The following MYO18B variants were observed in gnomAD, a reference collection of about 807,000 sequenced individuals.
The protein encoded by MYO18B is unconventional myosin-XVIIIb.
MYO18B carries 204 observed loss-of-function variants against 273.0 expected under a neutral mutation model. The ratio of observed to expected loss-of-function variants is 0.75; its 90% CI spans 0.67 to 0.84. MYO18B has a LOEUF of 0.84. Among genes scored for constraint, MYO18B ranks in the 40% least tolerant of loss-of-function variants. The pLI, the probability that MYO18B is intolerant of heterozygous loss-of-function variation, is 0.00. For missense variants in MYO18B, 3,212 were observed against 3,287.6 expected (o/e 0.98, Z 0.56); for synonymous variants, 1,330 against 1,305.7 (o/e 1.02, Z -0.40).
rs771051217 is a variant in MYO18B at position 25,911,004 on chromosome 22, A to G, written c.5318A>G (p.His1773Arg). ...QEYEEKQMVL[H>R]EKQDLEGLIG... ...TATGAAGAGAAGCAGATGGTCCTCC[A>G]TGAGAAGCAAGATTTGGAAGGCTTG... The change falls in exon 33 of 44, where the codon CAT becomes CGT. Residue 1773 changes from histidine (H) to arginine (R), a missense_variant. Transcript: ENST00000335473. 1.2e-6 allele frequency: 2 copies of G among 1,606,348 alleles called. No homozygotes were observed. Among genetic ancestry groups the G allele is most frequent in the Non-Finnish European group, 8.5e-7 (1 of 1,176,656 alleles).
At chr22:26,043,229 CAGT>C in the MYO18B span, among the ~76,000 whole-genome samples, 1 of 151,930 alleles carries the variant, frequency 6.6e-6, no homozygotes, top group Admixed American at 6.5e-5. Context: ...TTAGATGAGT[CAGT>C]AGTTTGTTTT....
intron 32 of MYO18B, among the ~76,000 whole-genome samples, chr22:25,910,422 T>G (rs992992537): frequency 4.6e-5 from 7 of 151,982 alleles, no homozygotes; most frequent in Non-Finnish European, 1.0e-4. Context: ...CCTAATTACT[T>G]CCCTAAGGCC....
intron 21 of MYO18B, among the ~76,000 whole-genome samples, chr22:25,852,041 G>A (rs2090442100): frequency 6.6e-6 from 1 of 152,202 alleles, no homozygotes; most frequent in African/African-American, 2.4e-5. Flanking sequence ...AAGGTGAAAG[G>A]TCATCATTTG....
At chr22:25,914,059 C>T (rs2092212739) in intron 33 of MYO18B, among the ~76,000 whole-genome samples, 1 of 152,100 alleles carries the variant, frequency 6.6e-6, no homozygotes, top group Admixed American at 6.5e-5. Flanking sequence ...TATGGATAAA[C>T]TATGTTTTAG....
intron 14 of MYO18B, among the ~76,000 whole-genome samples, chr22:25,828,189 G>A (rs950641417): frequency 2.1e-4 from 32 of 152,016 alleles, no homozygotes; most frequent in African/African-American, 7.0e-4. Flanking sequence ...TAACTGAGAC[G>A]GTGGCTAAGA....
At chr22:25,780,360 G>A (rs2145655052) in intron 9 of MYO18B, among the ~76,000 whole-genome samples, 162 bp downstream of exon 9, 1 of 152,148 alleles carries the variant, frequency 6.6e-6, no homozygotes, top group Admixed American at 6.5e-5. Flanking sequence ...GGAGGCTGAG[G>A]TGGGTGGATC....
chr22:25,968,959 AT>A (rs2093007419), intron 39 of MYO18B, among the ~76,000 whole-genome samples: 1 of 152,208 alleles, frequency 6.6e-6, no homozygotes, highest in African/African-American at 2.4e-5. Context: ...CCCAAGAGCA[AT>A]GCACAGAGTC....
intron 39 of MYO18B, among the ~76,000 whole-genome samples, chr22:25,968,677 A>G (rs914063255): frequency 1.3e-5 from 2 of 152,116 alleles, no homozygotes; most frequent in African/African-American, 4.8e-5. Context: ...AGTGGCTCAC[A>G]CAGTAGGAGG....
chr22:25,834,534 G>A (rs917912824), intron 16 of MYO18B, among the ~76,000 whole-genome samples: 3 of 152,168 alleles, frequency 2.0e-5, no homozygotes, highest in Admixed American at 1.3e-4. Context: ...GACTTTCCCA[G>A]CTTTAGCACT....
intron 1 of MYO18B, among the ~76,000 whole-genome samples, chr22:25,752,508 CAG>C (rs2085963592): frequency 6.6e-6 from 1 of 152,126 alleles, no homozygotes; most frequent in African/African-American, 2.4e-5. Flanking sequence ...TTTTAAGAGA[CAG>C]AGTCTATTAC....
chr22:26,009,132 A>C (rs1934680676), intron 42 of MYO18B, among the ~76,000 whole-genome samples: 1 of 152,126 alleles, frequency 6.6e-6, no homozygotes, highest in Non-Finnish European at 1.5e-5. Context: ...TCAGGAGGCA[A>C]CTCCACTTCT....
intron 1 of MYO18B, among the ~76,000 whole-genome samples, chr22:25,754,979 G>T (rs1391290052): frequency 1.3e-5 from 2 of 152,218 alleles, no homozygotes; most frequent in Admixed American, 1.3e-4. Flanking sequence ...GGCCTGGGCT[G>T]GAGAGGAAGG....
At chr22:25,855,346 C>T (rs915938838) in intron 21 of MYO18B, among the ~76,000 whole-genome samples, 2 of 145,682 alleles carry the variant, frequency 1.4e-5, no homozygotes, top group South Asian at 2.2e-4. Context: ...TGCGGTGGCA[C>T]GATCTTGGCT....
At chr22:25,996,761 G>T (rs578155817) in intron 40 of MYO18B, among the ~76,000 whole-genome samples, 24 of 152,246 alleles carry the variant, frequency 1.6e-4, no homozygotes, top group African/African-American at 5.5e-4. Flanking sequence ...CTGTGGGAAG[G>T]CCTGAAGAAA....
At position 25,823,588 on chromosome 22, in the gene MYO18B, G is replaced by A. The variant is rs370106367; in HGVS notation, c.2605G>A (p.Ala869Thr). The change falls in exon 13 of 44, where the codon GCC (alanine) becomes ACC (threonine). Residue 869 changes from alanine to threonine, a missense_variant. Coordinates refer to ENST00000335473, the MANE Select transcript of MYO18B (RefSeq NM_032608.7). Reference protein sequence around the residue: ...LGCEYEELNTATFKHHLRQII... With the variant: ...LGCEYEELNTTTFKHHLRQII... ...CTGCGAGTATGAGGAGCTGAACACG[G>A]CCACCTTCAAGCACCACCTTCGACA... 3 of 1,613,962 alleles carry A rather than the reference G, an allele frequency of 1.9e-6. No homozygotes were observed. The highest frequency in any genetic ancestry group is 2.2e-5 in the South Asian group (2 of 91,082).
At chr22:25,947,487 T>TACACACACAC (rs57844236) in intron 35 of MYO18B, among the ~76,000 whole-genome samples, 3,226 of 110,446 alleles carry the variant, frequency 0.029, 162 homozygotes, top group Non-Finnish European at 0.034. Flanking sequence ...TAATGCCTAA[T>TACACACACAC]ACACACACAC....
downstream of MYO18B, among the ~76,000 whole-genome samples, chr22:26,032,973 C>T (rs913825506): frequency 6.6e-6 from 1 of 152,026 alleles, no homozygotes; most frequent in Admixed American, 6.6e-5. Flanking sequence ...ATTATTCATA[C>T]AGAATAATTT....
intron 25 of MYO18B, among the ~76,000 whole-genome samples, chr22:25,881,613 G>A (rs1025656629): frequency 6.6e-6 from 1 of 152,132 alleles, no homozygotes; most frequent in Non-Finnish European, 1.5e-5. Context: ...TCGGCTGTTG[G>A]GGGAGATGTG....
chr22:25,879,726 G>A (rs556044806), intron 25 of MYO18B, among the ~76,000 whole-genome samples: 5 of 152,280 alleles, frequency 3.3e-5, no homozygotes, highest in Admixed American at 1.3e-4. Context: ...TACCTGAACT[G>A]GGTAATTTAT....
Sources: allele counts gnomAD v4.1 joint callset (sites outside exome capture counted in the v4.1 genomes callset), GRCh38; gene constraint gnomAD v4.1.1; transcripts MANE v1.5; gene names NCBI Gene and HGNC (gene_info 2026-07-23, HGNC 2026-07-21).